Variants in CELF2 observed in about 807,000 individuals in gnomAD.
The protein encoded by CELF2 is CUGBP Elav-like family member 2.
Under a neutral mutation model 62.6 loss-of-function variants are expected in CELF2, and 8 were observed. The ratio of observed to expected loss-of-function variants is 0.13; its 90% confidence interval spans 0.07 to 0.23. The LOEUF (loss-of-function observed/expected upper bound fraction) is 0.23, where lower values mean the gene tolerates loss of function less well. CELF2 is among the 10% of genes least tolerant of loss of function. The pLI, the probability that CELF2 is intolerant of heterozygous loss-of-function variation, is 1.00. For missense variants in CELF2, 333 were observed against 671.0 expected (o/e 0.50, Z 5.56); for synonymous variants, 258 against 250.0 (o/e 1.03, Z -0.30).
At chr10:10,777,308 A>G in the CELF2 span, among the ~76,000 whole-genome samples, 5 of 152,240 alleles carry the variant, frequency 3.3e-5, no homozygotes, top group East Asian at 9.7e-4. Flanking sequence ...CCTCATACAG[A>G]TGTCCCAGGT....
chr10:10,637,806 T>C, the CELF2 span, among the ~76,000 whole-genome samples: 1 of 152,172 alleles, frequency 6.6e-6, no homozygotes, highest in Non-Finnish European at 1.5e-5. Flanking sequence ...TTGGTCCTTC[T>C]CATCAAAATC....
chr10:10,960,651 A>AT (rs1299784828), intron 2 of CELF2, among the ~76,000 whole-genome samples: 1 of 152,226 alleles, frequency 6.6e-6, no homozygotes, highest in African/African-American at 2.4e-5. Flanking sequence ...AGTATTTTTA[A>AT]TAACACTCTA....
At chr10:10,802,278 G>A (rs539251424) in intron 1 of CELF2, among the ~76,000 whole-genome samples, 12 of 152,070 alleles carry the variant, frequency 7.9e-5, no homozygotes, top group African/African-American at 2.4e-4. Flanking sequence ...GAGACCATCC[G>A]GGCCGACATG....
At chr10:10,803,726 T>C (rs1311454967) in intron 1 of CELF2, among the ~76,000 whole-genome samples, 1 of 152,232 alleles carries the variant, frequency 6.6e-6, no homozygotes, top group Non-Finnish European at 1.5e-5. Flanking sequence ...TATGTATTTG[T>C]TTACTGATTA....
chr10:10,531,291 C>T, the CELF2 span, among the ~76,000 whole-genome samples: 3 of 152,176 alleles, frequency 2.0e-5, no homozygotes, highest in Admixed American at 2.0e-4. Context: ...CTTGATTGAA[C>T]TCTGGATGTA....
At chr10:10,717,443 T>A in the CELF2 span, among the ~76,000 whole-genome samples, 2 of 152,202 alleles carry the variant, frequency 1.3e-5, no homozygotes, top group South Asian at 4.1e-4. Context: ...AATGTCTTTT[T>A]AAACTAATTT....
In CELF2 at chr10:10,938,831, G is replaced by A. The variant is rs183023158; in HGVS notation, c.89+18832G>A. On this transcript the variant is annotated intron_variant, in intron 2 of 13. Transcript: ENST00000636488. This position sits in a 1 kb window ranked among gnomAD's most constrained non-coding sequence, Gnocchi z 4.2. ...GGACCCCGTGAAGCACTGCCCCACC[G>A]AGGGACGCAGAAGCAGCTGTCTTTT... Among the ~76,000 whole-genome samples, 15 of 152,196 alleles carry A rather than the reference G, an allele frequency of 9.9e-5. No individual in the cohort carries two copies. The highest frequency in any genetic ancestry group is 2.1e-4 in the Non-Finnish European group (14 of 68,036).
chr10:11,233,530 C>T lies in CELF2; in HGVS notation c.355-15623C>T, dbSNP rs368553640. On this transcript the variant is annotated intron_variant, in intron 3 of 12. Transcript: ENST00000633077. ...CTGCTAAACCCCAGACTTAGATACC[C>T]AGTATCTGCTATTGAACAGATCCAT... is the stretch of plus-strand genomic sequence containing the variant. Among the ~76,000 whole-genome samples the T allele has an allele frequency of 5.9e-5, 9 of 152,336 alleles. 2 individuals carry two copies. The East Asian group carries it at 1.7e-3, about 29-fold the overall frequency.
At chr10:10,594,972 G>C in the CELF2 span, among the ~76,000 whole-genome samples, 2 of 152,086 alleles carry the variant, frequency 1.3e-5, no homozygotes, top group Non-Finnish European at 2.9e-5. Flanking sequence ...AGAAATTCCA[G>C]AGGGTGGGCT....
chr10:11,282,657 C>T (rs1393168299), intron 8 of CELF2, among the ~76,000 whole-genome samples: 1 of 152,230 alleles, frequency 6.6e-6, no homozygotes, highest in Non-Finnish European at 1.5e-5. Flanking sequence ...ATCTCTTAAT[C>T]CTCAAGAGGT....
At chr10:10,578,838 C>G in the CELF2 span, among the ~76,000 whole-genome samples, 3 of 152,160 alleles carry the variant, frequency 2.0e-5, no homozygotes, top group Non-Finnish European at 4.4e-5. Flanking sequence ...AGAGCTAAGA[C>G]TAATTTCCTT....
At chr10:11,122,682 A>G (rs962298937) in intron 1 of CELF2, among the ~76,000 whole-genome samples, 1 of 152,244 alleles carries the variant, frequency 6.6e-6, no homozygotes, top group African/African-American at 2.4e-5. Context: ...CAGGCCTCTT[A>G]CAACAAGCAG....
At chr10:10,561,168 A>G in the CELF2 span, among the ~76,000 whole-genome samples, 1 of 152,178 alleles carries the variant, frequency 6.6e-6, no homozygotes, top group South Asian at 2.1e-4. Flanking sequence ...ATGGAAAAAT[A>G]AAATTTTTAA....
In CELF2 at chr10:11,328,897, G is replaced by C. The variant is rs780690658; in HGVS notation, c.1439-29G>C. 3.8e-6 allele frequency: 6 copies of C among 1,597,986 alleles called. No individual in the cohort carries two copies. Among genetic ancestry groups the C allele is most frequent in the African/African-American group, 1.3e-5 (1 of 74,602 alleles). ...TGTTTTCTGCTGGGCTTCCTCTCCA[G>C]GCTGACTCCCTCTCTCGGTATTTTC... On this transcript the variant is annotated intron_variant, in intron 12 of 12. Coordinates refer to ENST00000633077, the MANE Select transcript of CELF2 (RefSeq NM_001326342.2). This position sits in a 1 kb window ranked among gnomAD's most constrained non-coding sequence, Gnocchi z 6.4.
the CELF2 span, among the ~76,000 whole-genome samples, chr10:10,516,074 A>G: frequency 6.6e-6 from 1 of 152,092 alleles, no homozygotes; most frequent in African/African-American, 2.4e-5. Flanking sequence ...AAGCAAAGAA[A>G]CTCATTTGGT....
chr10:11,109,556 C>T (rs781288460), intron 1 of CELF2, among the ~76,000 whole-genome samples: 20 of 152,328 alleles, frequency 1.3e-4, no homozygotes, highest in Non-Finnish European at 2.4e-4. Context: ...CCGGTAGTCA[C>T]ATACCAAAGA....
intron 1 of CELF2, among the ~76,000 whole-genome samples, chr10:10,865,824 G>T (rs1198588359): frequency 6.6e-6 from 1 of 151,636 alleles, no homozygotes; most frequent in Non-Finnish European, 1.5e-5. Context: ...GAAAAAAAAA[G>T]ATTTTTTTTT....
At chr10:11,129,131 A>T (rs2059208631) in intron 1 of CELF2, among the ~76,000 whole-genome samples, 1 of 152,188 alleles carries the variant, frequency 6.6e-6, no homozygotes. Flanking sequence ...ATCTATTGAG[A>T]TAATCATGTG....
intron 9 of CELF2, among the ~76,000 whole-genome samples, chr10:11,301,167 G>A (rs1168219213): frequency 6.6e-6 from 1 of 152,120 alleles, no homozygotes; most frequent in Non-Finnish European, 1.5e-5. Flanking sequence ...ACTGGCAAAT[G>A]TGAGAGATGG....
Sources: allele counts gnomAD v4.1 joint callset (sites outside exome capture counted in the v4.1 genomes callset), GRCh38; gene constraint gnomAD v4.1.1; non-coding constraint Gnocchi (gnomAD v3.1); transcripts MANE v1.5; gene names NCBI Gene and HGNC (gene_info 2026-07-23, HGNC 2026-07-21).